Variants in RPS6KA2 observed in about 807,000 individuals in gnomAD.
RPS6KA2 encodes ribosomal protein S6 kinase alpha-2.
A neutral mutation model predicts 91.8 loss-of-function variants in RPS6KA2; 42 were observed. That is an observed-to-expected ratio of 0.46 (90% CI 0.36 to 0.59). The LOEUF is 0.59. RPS6KA2 is among the 20% of genes least tolerant of loss of function. The pLI is 0.00. For missense variants in RPS6KA2, 798 were observed against 978.5 expected, an observed-to-expected ratio of 0.82 and a Z score of 2.46; for synonymous variants, 414 against 393.6, an observed-to-expected ratio of 1.05 and a Z score of -0.61.
intron 14 of RPS6KA2, among the ~76,000 whole-genome samples, chr6:166,432,962 T>C (rs1779183250): frequency 7.2e-6 from 1 of 138,250 alleles, no homozygotes; most frequent in African/African-American, 2.8e-5. Context: ...GCCACTGCAC[T>C]CCAGCCTGGG....
chr6:166,453,364 TCAA>T (rs1236256125), intron 12 of RPS6KA2, among the ~76,000 whole-genome samples: 5 of 151,678 alleles, frequency 3.3e-5, no homozygotes, highest in Non-Finnish European at 7.4e-5. Context: ...CTCGAACAAC[TCAA>T]CAACAACAAC....
At chr6:166,496,219 G>A (rs1449255669) in intron 8 of RPS6KA2, among the ~76,000 whole-genome samples, 3 of 151,834 alleles carry the variant, frequency 2.0e-5, no homozygotes, top group African/African-American at 7.3e-5. Flanking sequence ...TGGGTGTGGC[G>A]GGTGCCTGTA....
At chr6:166,748,004 G>A (rs1791075456) in intron 2 of RPS6KA2, among the ~76,000 whole-genome samples, 3 of 152,158 alleles carry the variant, frequency 2.0e-5, no homozygotes, top group Admixed American at 2.0e-4. Context: ...CAGTGAATGT[G>A]CCAACGGTCC....
At chr6:166,540,803 G>A (rs908516370) in intron 1 of RPS6KA2, among the ~76,000 whole-genome samples, 2 of 152,188 alleles carry the variant, frequency 1.3e-5, no homozygotes, top group African/African-American at 2.4e-5. Context: ...AGGGATCCAC[G>A]TGTGTCACTG....
At chr6:166,778,535 ATGGG>A (rs1228778510) in intron 2 of RPS6KA2, among the ~76,000 whole-genome samples, 1 of 152,132 alleles carries the variant, frequency 6.6e-6, no homozygotes, top group East Asian at 1.9e-4. Flanking sequence ...GGAGGCCGAG[ATGGG>A]TGGATCACCT....
intron 2 of RPS6KA2, among the ~76,000 whole-genome samples, chr6:166,810,736 G>T (rs1419736257): frequency 6.6e-6 from 1 of 152,210 alleles, no homozygotes; most frequent in Non-Finnish European, 1.5e-5. Flanking sequence ...TCCATTCTTA[G>T]CAACTCACAA....
intron 2 of RPS6KA2, among the ~76,000 whole-genome samples, chr6:166,836,287 A>C (rs1469744145): frequency 6.6e-6 from 1 of 151,414 alleles, no homozygotes; most frequent in Non-Finnish European, 1.5e-5. Context: ...CTCCTCTTTT[A>C]TTTTCTGGAC....
At chr6:166,777,478 G>C (rs988743124) in intron 2 of RPS6KA2, among the ~76,000 whole-genome samples, 5 of 152,174 alleles carry the variant, frequency 3.3e-5, no homozygotes, top group Admixed American at 3.3e-4. Flanking sequence ...AGGAGCCCCA[G>C]AACCCAGGCA....
intron 1 of RPS6KA2, among the ~76,000 whole-genome samples, chr6:166,614,126 C>T (rs1341660800): frequency 2.0e-5 from 3 of 152,212 alleles, no homozygotes; most frequent in Non-Finnish European, 2.9e-5. Flanking sequence ...GGAGATGTCT[C>T]CCTGGACTGC....
At chr6:166,416,929 C>G (rs551393323) in intron 19 of RPS6KA2, among the ~76,000 whole-genome samples, 25 of 152,342 alleles carry the variant, frequency 1.6e-4, no homozygotes, top group Admixed American at 1.6e-3. Context: ...CACCTCCACG[C>G]TCACTGCATG....
intron 2 of RPS6KA2, among the ~76,000 whole-genome samples, chr6:166,706,437 T>C (rs1789682915): frequency 2.6e-5 from 4 of 152,254 alleles, no homozygotes; most frequent in African/African-American, 9.6e-5. Context: ...CAAGCCATCA[T>C]ATTTATAAAA....
chr6:166,734,007 C>T (rs980189278), intron 2 of RPS6KA2, among the ~76,000 whole-genome samples: 4 of 152,058 alleles, frequency 2.6e-5, no homozygotes, highest in African/African-American at 4.8e-5. Flanking sequence ...TGCATGCAAG[C>T]GAAGGGACAT....
intron 1 of RPS6KA2, among the ~76,000 whole-genome samples, chr6:166,555,270 C>T (rs180861965): frequency 6.6e-6 from 1 of 152,344 alleles, no homozygotes; most frequent in Non-Finnish European, 1.5e-5. Context: ...CTCTGGCCCA[C>T]TTCCTTGTTG....
intron 2 of RPS6KA2, among the ~76,000 whole-genome samples, chr6:166,638,861 C>A (rs554638726): frequency 1.3e-5 from 2 of 152,250 alleles, no homozygotes; most frequent in South Asian, 2.1e-4. Flanking sequence ...TCAAAAATGT[C>A]AGTAGTTTCT....
intron 3 of RPS6KA2, 133 bp from the exon 4 acceptor site, chr6:166,510,490 A>T (rs563252444): frequency 2.3e-6 from 1 of 442,618 alleles, no homozygotes; most frequent in East Asian, 3.7e-5. Flanking sequence ...AAACTTGAAA[A>T]AGTTGTACAA....
chr6:166,562,549 C>CCTATTTATTG (rs1784374778), intron 1 of RPS6KA2, among the ~76,000 whole-genome samples: 1 of 152,210 alleles, frequency 6.6e-6, no homozygotes, highest in African/African-American at 2.4e-5. Context: ...AATAGGTAGA[C>CCTATTTATTG]TGCCAAGCAC....
At chr6:166,772,128 G>A (rs768667035) in intron 2 of RPS6KA2, among the ~76,000 whole-genome samples, 10 of 145,868 alleles carry the variant, frequency 6.9e-5, no homozygotes, top group Admixed American at 2.7e-4. Flanking sequence ...TATTGTACTG[G>A]GCATGTATGG....
In RPS6KA2 at chr6:166,533,570, G is replaced by C. The variant is rs1291944498; in HGVS notation, c.217-2257C>G. Reference sequence around the variant, plus strand: ...TCCTGGCCTAGGCAATGAAGAGCAGGTGCAAAACGTTCCAGCTGCCACTCC... The same window carrying C: ...TCCTGGCCTAGGCAATGAAGAGCAGCTGCAAAACGTTCCAGCTGCCACTCC... On this transcript the variant is annotated intron_variant, in intron 2 of 20. Coordinates refer to ENST00000265678, the MANE Select transcript of RPS6KA2 (RefSeq NM_021135.6). The surrounding 1 kb of genome is among the most constrained non-coding windows in gnomAD (Gnocchi z 4.0). Among the ~76,000 whole-genome samples, 5 of 152,348 alleles carry C rather than the reference G, an allele frequency of 3.3e-5. 1 individual carries two copies. The South Asian group carries it at 1.0e-3, about 32-fold the overall frequency.
chr6:166,550,115 T>C (rs1338534860), intron 1 of RPS6KA2, among the ~76,000 whole-genome samples: 1 of 152,212 alleles, frequency 6.6e-6, no homozygotes, highest in East Asian at 1.9e-4. Flanking sequence ...GGAAAATACG[T>C]CAAGATATTA....
Sources: allele counts gnomAD v4.1 joint callset (sites outside exome capture counted in the v4.1 genomes callset), GRCh38; gene constraint gnomAD v4.1.1; non-coding constraint Gnocchi (gnomAD v3.1); transcripts MANE v1.5; gene names NCBI Gene and HGNC (gene_info 2026-07-23, HGNC 2026-07-21).